Variants in NRG1 observed in about 807,000 individuals in gnomAD.
The protein encoded by NRG1 is pro-neuregulin-1, membrane-bound isoform.
NRG1 carries 18 observed loss-of-function variants against 63.8 expected under a neutral mutation model. The ratio of observed to expected loss-of-function variants is 0.28; its 90% confidence interval spans 0.19 to 0.42. The LOEUF is 0.42. Among genes scored for constraint, NRG1 ranks in the 10% least tolerant of loss-of-function variants. NRG1 has a pLI of 1.00. For synonymous variants in NRG1, 302 were observed against 301.3 expected (o/e 1.00, Z -0.02); for missense variants, 762 against 814.7 (o/e 0.94, Z 0.79).
intron 1 of NRG1, among the ~76,000 whole-genome samples, chr8:32,075,237 C>T (rs957462769): frequency 1.3e-5 from 2 of 152,194 alleles, no homozygotes; most frequent in South Asian, 2.1e-4. Flanking sequence ...ATATACACTT[C>T]CAAACTCTTC....
chr8:31,639,436 A>G, intron 1 of NRG1: 1 of 1,534,724 alleles, frequency 6.5e-7, no homozygotes, highest in Non-Finnish European at 8.7e-7. Flanking sequence ...CCACAGGTAA[A>G]CAGGCTGGCG....
upstream of NRG1, among the ~76,000 whole-genome samples, chr8:32,545,529 GTCAGT>G (rs1180737329): frequency 1.3e-5 from 2 of 150,174 alleles, no homozygotes; most frequent in Non-Finnish European, 3.0e-5. Flanking sequence ...CCTTGTTCTG[GTCAGT>G]TCCAAGGTTT....
chr8:32,190,733 C>T (rs1314156793), intron 1 of NRG1, among the ~76,000 whole-genome samples: 1 of 152,172 alleles, frequency 6.6e-6, no homozygotes, highest in Non-Finnish European at 1.5e-5. Flanking sequence ...AAGTCTACCA[C>T]ATGAATGCTG....
At chr8:32,324,954 G>A (rs1233480280) in intron 1 of NRG1, among the ~76,000 whole-genome samples, 1 of 152,104 alleles carries the variant, frequency 6.6e-6, no homozygotes, top group East Asian at 1.9e-4. Flanking sequence ...ATGATATTAT[G>A]TATTTTGTAA....
chr8:31,667,555 T>C (rs1806679605), intron 1 of NRG1, among the ~76,000 whole-genome samples: 1 of 151,828 alleles, frequency 6.6e-6, no homozygotes, highest in African/African-American at 2.4e-5. Flanking sequence ...CCAAGGGAGG[T>C]AATGGCCTGT....
chr8:32,430,853 C>A (rs1342847994), intron 1 of NRG1, among the ~76,000 whole-genome samples: 3 of 149,078 alleles, frequency 2.0e-5, no homozygotes, highest in Admixed American at 6.7e-5. Context: ...TTAGTTTAAG[C>A]ATTGTTCAAC....
intron 1 of NRG1, among the ~76,000 whole-genome samples, chr8:31,730,543 G>T (rs1321981627): frequency 6.6e-6 from 1 of 152,050 alleles, no homozygotes; most frequent in African/African-American, 2.4e-5. Flanking sequence ...GGAACAGATG[G>T]GCGTCAGACA....
chr8:31,734,500 G>A (rs895633291), intron 1 of NRG1, among the ~76,000 whole-genome samples: 1 of 152,062 alleles, frequency 6.6e-6, no homozygotes, highest in African/African-American at 2.4e-5. Context: ...TCTTCTAAAG[G>A]ATTTGATTAC....
At chr8:32,513,579 C>T (rs1435314164) in intron 1 of NRG1, among the ~76,000 whole-genome samples, 1 of 152,082 alleles carries the variant, frequency 6.6e-6, no homozygotes, top group African/African-American at 2.4e-5. Context: ...GATCTATAAA[C>T]TTTGTTCCAG....
chr8:32,248,051 TTCTACG>T (rs1258197872), intron 1 of NRG1, among the ~76,000 whole-genome samples: 4 of 152,094 alleles, frequency 2.6e-5, no homozygotes. Context: ...TTTTACAACT[TTCTACG>T]TCTATTCAGC....
chr8:31,958,830 A>G (rs1473226549), intron 1 of NRG1, among the ~76,000 whole-genome samples: 1 of 152,190 alleles, frequency 6.6e-6, no homozygotes, highest in African/African-American at 2.4e-5. Flanking sequence ...TTCATTCATC[A>G]GGAGTCCTTT....
intron 1 of NRG1, among the ~76,000 whole-genome samples, chr8:32,052,662 A>T (rs896150856): frequency 6.6e-6 from 1 of 152,188 alleles, no homozygotes. Flanking sequence ...AGCAAGTTTC[A>T]TCTCATTTAG....
chr8:32,302,195 C>T (rs1170211284), intron 1 of NRG1, among the ~76,000 whole-genome samples: 4 of 152,122 alleles, frequency 2.6e-5, no homozygotes, highest in African/African-American at 9.7e-5. Flanking sequence ...CCCAGGTTTC[C>T]TTGAGGTGAA....
chr8:32,095,408 C>G (rs890640859), intron 1 of NRG1, among the ~76,000 whole-genome samples: 3 of 152,070 alleles, frequency 2.0e-5, no homozygotes, highest in East Asian at 1.9e-4. Flanking sequence ...ATAAAAAATT[C>G]ATCCATTTGG....
chr8:31,725,933 C>T (rs1482048196), intron 1 of NRG1, among the ~76,000 whole-genome samples: 1 of 152,066 alleles, frequency 6.6e-6, no homozygotes, highest in Non-Finnish European at 1.5e-5. Flanking sequence ...ATGGGAATCA[C>T]AAAATTGTGA....
chr8:31,881,232 G>T (rs1399311886), intron 1 of NRG1, among the ~76,000 whole-genome samples: 30 of 152,104 alleles, frequency 2.0e-4, no homozygotes, highest in Admixed American at 2.0e-3. Context: ...AACAGAATGT[G>T]CTCACTTTTT....
At chr8:32,486,441 A>G (rs2129494056) in intron 1 of NRG1, among the ~76,000 whole-genome samples, 1 of 152,314 alleles carries the variant, frequency 6.6e-6, no homozygotes. Flanking sequence ...ACACAGGAAT[A>G]TTAATCTGGA....
chr8:32,113,409 CCCACT>C (rs1406483428), intron 1 of NRG1, among the ~76,000 whole-genome samples: 1 of 152,168 alleles, frequency 6.6e-6, no homozygotes, highest in East Asian at 1.9e-4. Context: ...CTTTCCTGAT[CCCACT>C]CACTGCTAGT....
chr8:31,906,053 C>A (rs1165319691), intron 1 of NRG1, among the ~76,000 whole-genome samples: 1 of 152,190 alleles, frequency 6.6e-6, no homozygotes, highest in Non-Finnish European at 1.5e-5. Flanking sequence ...AAATAACAAG[C>A]ATTTATTAAC....
Sources: allele counts gnomAD v4.1 joint callset (sites outside exome capture counted in the v4.1 genomes callset), GRCh38; gene constraint gnomAD v4.1.1; transcripts MANE v1.5; gene names NCBI Gene and HGNC (gene_info 2026-07-23, HGNC 2026-07-21).